GMDS: variants seen among roughly 807,000 people sequenced by gnomAD.
GMDS encodes the protein GDP-mannose 4,6-dehydratase.
GMDS carries 20 observed loss-of-function variants against 49.9 expected under a neutral mutation model. The ratio of observed to expected loss-of-function variants is 0.40; its 90% confidence interval spans 0.28 to 0.58. The LOEUF is 0.58. Ranked by LOEUF, GMDS falls within the 20% of genes least tolerant of loss-of-function variation. The pLI, the probability that GMDS is intolerant of heterozygous loss-of-function variation, is 0.42. For synonymous variants in GMDS, 177 were observed against 178.6 expected (o/e 0.99, Z 0.07); for missense variants, 362 against 481.4 (o/e 0.75, Z 2.32).
chr6:1,673,450 C>T (rs1333603224), intron 9 of GMDS, among the ~76,000 whole-genome samples: 1 of 151,602 alleles, frequency 6.6e-6, no homozygotes, highest in Non-Finnish European at 1.5e-5. Flanking sequence ...ACAGAGAGTT[C>T]TCACAGGACC....
intron 6 of GMDS, among the ~76,000 whole-genome samples, chr6:1,948,044 C>T (rs985450701): frequency 1.3e-5 from 2 of 152,154 alleles, no homozygotes; most frequent in Non-Finnish European, 2.9e-5. Context: ...GTGCTAATAA[C>T]TTCACTTCCA....
intron 7 of GMDS, among the ~76,000 whole-genome samples, chr6:1,756,811 C>T (rs1356933079): frequency 2.6e-5 from 4 of 152,222 alleles, no homozygotes; most frequent in Admixed American, 6.5e-5. Context: ...TGCTTCTTTA[C>T]GTGGTGGCTG....
chr6:1,958,708 T>C lies in GMDS; in HGVS notation c.643+1159A>G, dbSNP rs3800151. On this transcript the variant is annotated intron_variant, in intron 6 of 10. Coordinates refer to ENST00000380815, the MANE Select transcript of GMDS (RefSeq NM_001500.4). ...TTGTTGGTGTAATTAGGCAGCTATATAGTCACATAAAATTTCACGGAAAAA... is the reference window on the plus strand; with the variant it reads ...TTGTTGGTGTAATTAGGCAGCTATACAGTCACATAAAATTTCACGGAAAAA... Among the ~76,000 whole-genome samples, 56 of 152,344 alleles carry C rather than the reference T, an allele frequency of 3.7e-4. 1 individual carries two copies. In the East Asian group the frequency reaches 7.9e-3, roughly 21 times the overall value.
intron 9 of GMDS, among the ~76,000 whole-genome samples, chr6:1,713,170 C>T (rs1480399872): frequency 1.3e-5 from 2 of 152,254 alleles, no homozygotes; most frequent in African/African-American, 2.4e-5. Flanking sequence ...GCCAAATAAA[C>T]CCACAGGCCA....
intron 4 of GMDS, among the ~76,000 whole-genome samples, chr6:2,035,914 T>G (rs191902886): frequency 2.6e-5 from 4 of 152,144 alleles, no homozygotes; most frequent in African/African-American, 9.7e-5. Flanking sequence ...CTTGAACTAC[T>G]GACCTCAAGT....
chr6:1,772,212 C>T (rs1367890315), intron 7 of GMDS, among the ~76,000 whole-genome samples: 3 of 152,096 alleles, frequency 2.0e-5, no homozygotes, highest in African/African-American at 7.2e-5. Context: ...TAATCAAAAT[C>T]CAATGCATGA....
At chr6:2,014,524 T>C (rs1767777544) in intron 4 of GMDS, among the ~76,000 whole-genome samples, 1 of 152,190 alleles carries the variant, frequency 6.6e-6, no homozygotes, top group South Asian at 2.1e-4. Flanking sequence ...AATTAGCTAC[T>C]AATGTATATC....
At chr6:1,670,694 T>G (rs1426910860) in intron 9 of GMDS, among the ~76,000 whole-genome samples, 1 of 152,216 alleles carries the variant, frequency 6.6e-6, no homozygotes, top group Non-Finnish European at 1.5e-5. Context: ...AAGGTAATAG[T>G]TCAGTAGTGC....
chr6:1,960,005 T>G, intron 5 of GMDS, 34 bp from the exon 6 acceptor site: 1 of 1,342,292 alleles, frequency 7.4e-7, no homozygotes, highest in Non-Finnish European at 1.1e-6. Flanking sequence ...CAATGAAGTT[T>G]GTTGTAAAAG....
intron 4 of GMDS, among the ~76,000 whole-genome samples, chr6:1,969,069 G>A: frequency 6.6e-6 from 1 of 151,752 alleles, no homozygotes; most frequent in Non-Finnish European, 1.5e-5. Context: ...AGACCATCCT[G>A]GCTAACACGG....
intron 7 of GMDS, among the ~76,000 whole-genome samples, chr6:1,846,717 AG>A (rs1173972188): frequency 6.6e-6 from 1 of 152,210 alleles, no homozygotes; most frequent in African/African-American, 2.4e-5. Context: ...CAACGTACTG[AG>A]GGGAACACTC....
intron 7 of GMDS, among the ~76,000 whole-genome samples, chr6:1,755,759 A>G (rs1018696114): frequency 1.3e-5 from 2 of 152,236 alleles, no homozygotes; most frequent in African/African-American, 4.8e-5. Flanking sequence ...ACAAAAATTA[A>G]CTAAAGATGG....
intron 7 of GMDS, among the ~76,000 whole-genome samples, chr6:1,922,307 T>C (rs1289188595): frequency 6.6e-6 from 1 of 152,240 alleles, no homozygotes; most frequent in Non-Finnish European, 1.5e-5. Context: ...TTCTGTTAAG[T>C]AAGGCCTTAC....
chr6:2,113,474 T>C (rs1194369545), intron 4 of GMDS, among the ~76,000 whole-genome samples: 1 of 151,868 alleles, frequency 6.6e-6, no homozygotes, highest in Non-Finnish European at 1.5e-5. Context: ...CTCCTCATAC[T>C]GGTTCTGCTC....
At chr6:2,174,753 G>C (rs1235337023) in intron 1 of GMDS, among the ~76,000 whole-genome samples, 1 of 152,012 alleles carries the variant, frequency 6.6e-6, no homozygotes, top group Non-Finnish European at 1.5e-5. Flanking sequence ...ATTTTTAGTA[G>C]AGACGGGATT....
intron 7 of GMDS, among the ~76,000 whole-genome samples, chr6:1,852,244 A>G (rs1166883986): frequency 6.6e-6 from 1 of 152,222 alleles, no homozygotes; most frequent in Non-Finnish European, 1.5e-5. Flanking sequence ...CACAGGCCTC[A>G]AGAGCTCGCA....
intron 4 of GMDS, among the ~76,000 whole-genome samples, chr6:1,972,750 C>T (rs1033925700): frequency 7.9e-5 from 12 of 152,308 alleles, no homozygotes; most frequent in African/African-American, 2.9e-4. Flanking sequence ...ACTATACAGT[C>T]GCCGCAGATG....
At chr6:2,224,912 A>C (rs1780749900) in intron 1 of GMDS, among the ~76,000 whole-genome samples, 1 of 152,184 alleles carries the variant, frequency 6.6e-6, no homozygotes, top group African/African-American at 2.4e-5. Context: ...CAAAAGAGAA[A>C]ACTGAGGCAC....
chr6:1,821,212 G>A (rs913427347), intron 7 of GMDS, among the ~76,000 whole-genome samples: 1 of 152,042 alleles, frequency 6.6e-6, no homozygotes, highest in Non-Finnish European at 1.5e-5. Context: ...CTTGTCTCTC[G>A]GCAAAAATGG....
Sources: gnomAD v4.1 joint callset for allele counts (sites outside exome capture counted in the v4.1 genomes callset) on GRCh38, gnomAD v4.1.1 for gene constraint, MANE v1.5 for transcripts, NCBI Gene and HGNC (gene_info 2026-07-23, HGNC 2026-07-21) for gene names.